Variants in COL23A1 observed in about 807,000 individuals in gnomAD.
COL23A1 encodes collagen alpha-1(XXIII) chain.
COL23A1 carries 97 observed loss-of-function variants against 99.3 expected under a neutral mutation model. That is an observed-to-expected ratio of 0.98 (90% CI 0.83 to 1.16). The LOEUF (loss-of-function observed/expected upper bound fraction) is 1.16, where lower values mean the gene tolerates loss of function less well. COL23A1 is among the 50% of genes most tolerant of loss of function. COL23A1 has a pLI of 0.00. For missense variants in COL23A1, 762 were observed against 757.4 expected (o/e 1.01, Z -0.07); for synonymous variants, 320 against 308.2 (o/e 1.04, Z -0.40).
chr5:178,365,127 CTGTGTGTGCGTGTG>C lies in COL23A1; in HGVS notation c.362-58222_362-58209del, dbSNP rs977823828. Among the ~76,000 whole-genome samples, 34 of 120,506 alleles carry C rather than the reference CTGTGTGTGCGTGTG, an allele frequency of 2.8e-4. No individual in the cohort carries two copies. Among genetic ancestry groups the C allele is most frequent in the Middle Eastern group, 3.9e-3 (1 of 256 alleles). The allele number at this position is 120,506 out of a possible 152,430, so 79.1% of individuals were successfully genotyped here. A position where few individuals can be genotyped will look rare whatever the true frequency, so the allele number is the denominator to read the frequency against. ...CTTTGGGGTGGGCTTTATGATGTTG[CTGTGTGTGCGTGTG>C]TGTGTGTGTGTGTGTGTGTGTGTGT... is the stretch of plus-strand genomic sequence containing the variant. On this transcript the variant is annotated intron_variant, in intron 2 of 28. Transcript: ENST00000390654. This position sits in a 1 kb window ranked among gnomAD's most constrained non-coding sequence, Gnocchi z 5.2.
At chr5:178,247,702 C>T in intron 21 of COL23A1, 73 bp downstream of exon 21, 1 of 1,553,510 alleles carries the variant, frequency 6.4e-7, no homozygotes, top group Non-Finnish European at 8.9e-7. Flanking sequence ...GGTCATGGCT[C>T]TGGGACCTAG....
At chr5:178,364,671 C>T (rs982146562) in intron 2 of COL23A1, among the ~76,000 whole-genome samples, 1 of 152,158 alleles carries the variant, frequency 6.6e-6, no homozygotes, top group African/African-American at 2.4e-5. Context: ...AGCAGTTGCA[C>T]CTTTGATTAG....
intron 2 of COL23A1, among the ~76,000 whole-genome samples, chr5:178,558,651 G>A (rs566974): frequency 0.44 from 66,831 of 151,888 alleles, 15,452 homozygotes; most frequent in East Asian, 0.72. Flanking sequence ...CAGTTCAAAA[G>A]ACACACACAG....
intron 2 of COL23A1, among the ~76,000 whole-genome samples, chr5:178,467,288 A>G (rs990575930): frequency 6.6e-6 from 1 of 152,134 alleles, no homozygotes; most frequent in Admixed American, 6.5e-5. Context: ...TCCTTGTAGA[A>G]ATGTGTGGGT....
intron 2 of COL23A1, among the ~76,000 whole-genome samples, chr5:178,390,031 AGGAC>A (rs1481508944): frequency 6.6e-6 from 1 of 152,206 alleles, no homozygotes; most frequent in African/African-American, 2.4e-5. Flanking sequence ...CAATGTGCTC[AGGAC>A]GGATCTGTGG....
At chr5:178,521,627 A>G (rs1759952283) in intron 2 of COL23A1, among the ~76,000 whole-genome samples, 3 of 152,194 alleles carry the variant, frequency 2.0e-5, no homozygotes, top group Admixed American at 6.5e-5. Context: ...TGATGGATGG[A>G]TAAACAAAAT....
At chr5:178,478,318 G>A (rs539351750) in intron 2 of COL23A1, among the ~76,000 whole-genome samples, 13 of 152,324 alleles carry the variant, frequency 8.5e-5, no homozygotes, top group African/African-American at 3.1e-4. Flanking sequence ...AGACACCTGG[G>A]AAGCAACCTA....
chr5:178,370,226 CCAGGCCGCTGGCCTG>C (rs1405568793), intron 2 of COL23A1, among the ~76,000 whole-genome samples: 1 of 152,188 alleles, frequency 6.6e-6, no homozygotes, highest in Non-Finnish European at 1.5e-5. Flanking sequence ...GAGTGCAAAG[CCAGGCCGCTGGCCTG>C]CAGGTCCTGG....
At chr5:178,501,020 G>C (rs1268540577) in intron 2 of COL23A1, among the ~76,000 whole-genome samples, 1 of 152,094 alleles carries the variant, frequency 6.6e-6, no homozygotes, top group Non-Finnish European at 1.5e-5. Flanking sequence ...AAGTCAATAG[G>C]GCCCAGTTTC....
At position 178,365,510 on chromosome 5, in the gene COL23A1, C is replaced by T. The variant is rs767348024; in HGVS notation, c.362-58591G>A. On this transcript the variant is annotated intron_variant, in intron 2 of 28. Transcript: ENST00000390654. This position sits in a 1 kb window ranked among gnomAD's most constrained non-coding sequence, Gnocchi z 5.2. ...ACCCAATCCCTCTTTCTTCTGATGTCGACAGGATCAAGCACAAGCCTCCTT... is the reference window on the plus strand; with the variant it reads ...ACCCAATCCCTCTTTCTTCTGATGTTGACAGGATCAAGCACAAGCCTCCTT... 2.6e-4 allele frequency among the ~76,000 whole-genome samples: 39 copies of T among 152,092 alleles called. 1 individual carries two copies. The highest frequency in any genetic ancestry group is 5.2e-4 in the Admixed American group (8 of 15,270).
chr5:178,311,848 A>G (rs1473133192), intron 2 of COL23A1, among the ~76,000 whole-genome samples: 1 of 151,254 alleles, frequency 6.6e-6, no homozygotes, highest in East Asian at 1.9e-4. Flanking sequence ...CCTCTGCCTC[A>G]GCCTCCCGAG....
At chr5:178,253,545 C>G (rs531009753) in intron 16 of COL23A1, among the ~76,000 whole-genome samples, 25 of 151,824 alleles carry the variant, frequency 1.6e-4, no homozygotes, top group Admixed American at 5.3e-4. Context: ...TGCAGAGGTG[C>G]GATCTCAGTT....
intron 2 of COL23A1, among the ~76,000 whole-genome samples, chr5:178,510,279 C>T (rs1209021296): frequency 1.3e-5 from 2 of 152,230 alleles, no homozygotes; most frequent in Admixed American, 6.5e-5. Flanking sequence ...TGGTGGCTCA[C>T]GCCTGTAATC....
At position 178,247,206 on chromosome 5, in the gene COL23A1, G is replaced by A. The variant is rs550880867; in HGVS notation, c.1296+320C>T. Among the ~76,000 whole-genome samples, 227 of 152,238 alleles carry A rather than the reference G, an allele frequency of 1.5e-3. 2 individuals are homozygous for A. The highest frequency in any genetic ancestry group is 5.2e-3 in the African/African-American group (217 of 41,542). ...ATGGGGAGAGGTGGGGACAGTGCAA[G>A]GAACTGACAGGCACAGACAAAGGAG... On this transcript the variant is annotated intron_variant, in intron 22 of 28. Coordinates refer to ENST00000390654, the MANE Select transcript of COL23A1 (RefSeq NM_173465.4).
chr5:178,493,506 C>T (rs10066353), intron 2 of COL23A1, among the ~76,000 whole-genome samples: 192 of 152,384 alleles, frequency 1.3e-3, no homozygotes, highest in Admixed American at 3.9e-3. Flanking sequence ...CCAGGTCAGC[C>T]ACCTGCCCTA....
Position 178,247,806 on chromosome 5 carries a change from G to A in COL23A1, c.1238C>T (p.Pro413Leu). The change falls in exon 21 of 29, where the codon CCC becomes CTC. Residue 413 changes from proline (P) to leucine (L), a missense_variant. Pro to Leu is a moderately conservative substitution (Grantham distance 98). Transcript: ENST00000390654. The stretch of plus-strand genomic sequence containing the variant: ...GCCTGGGGGGCCAGGGGGGCCAGGG[G>A]GCCCTGGCTCCACTATGAGCTGAGC... ...SLAQLIVEPG[P>L]PGPPGPPGPM... 1 of 1,613,474 alleles carries A rather than the reference G, an allele frequency of 6.2e-7. No individual in the cohort carries two copies. Among genetic ancestry groups the A allele is most frequent in the Non-Finnish European group, 8.5e-7 (1 of 1,179,682 alleles).
Position 178,263,197 on chromosome 5 carries a change from C to G in COL23A1, c.639+11G>C, listed in dbSNP as rs146606842. 1 of 1,596,530 alleles carries G rather than the reference C, an allele frequency of 6.3e-7. No individual in the cohort carries two copies. Among genetic ancestry groups the G allele is most frequent in the Non-Finnish European group, 8.6e-7 (1 of 1,164,132 alleles). The stretch of plus-strand genomic sequence containing the variant: ...AAGTCCTGCGTGGCCCAACTCCATG[C>G]CCTCTCTTACCGCTGGGCCTTGTGC... On this transcript the variant is annotated intron_variant, in intron 9 of 28. Transcript: ENST00000390654.
At position 178,309,853 on chromosome 5, in the gene COL23A1, G is replaced by C. The variant is rs1337623949; in HGVS notation, c.362-2934C>G. 1.3e-5 allele frequency among the ~76,000 whole-genome samples: 2 copies of C among 151,002 alleles called. No homozygotes were observed. Among genetic ancestry groups the C allele is most frequent in the Non-Finnish European group, 3.0e-5 (2 of 67,770 alleles). ...CTCCTGGCACAAAGGACCTCCTGCA[G>C]TATGTACTCTGCATCTCAGGCAGCT... On this transcript the variant is annotated intron_variant, in intron 2 of 28. Transcript: ENST00000390654. This position sits in a 1 kb window ranked among gnomAD's most constrained non-coding sequence, Gnocchi z 4.7.
intron 2 of COL23A1, among the ~76,000 whole-genome samples, chr5:178,377,622 G>A (rs1316131693): frequency 6.6e-6 from 1 of 152,208 alleles, no homozygotes; most frequent in Non-Finnish European, 1.5e-5. Flanking sequence ...CTCCAAGGCG[G>A]TGCCATCCTC....
Sources: gnomAD v4.1 joint callset for allele counts (sites outside exome capture counted in the v4.1 genomes callset) on GRCh38, gnomAD v4.1.1 for gene constraint, Gnocchi (gnomAD v3.1) non-coding constraint, MANE v1.5 for transcripts, NCBI Gene and HGNC (gene_info 2026-07-23, HGNC 2026-07-21) for gene names.